EYS: variants seen among roughly 807,000 people sequenced by gnomAD.
EYS encodes the protein protein eyes shut homolog.
A neutral mutation model predicts 282.1 loss-of-function variants in EYS; 250 were observed. That is an observed-to-expected ratio of 0.89 (90% confidence interval 0.80 to 0.98). The LOEUF is 0.98. Ranked by LOEUF, EYS falls within the 50% of genes least tolerant of loss-of-function variation. EYS has a pLI of 0.00. For missense variants in EYS, 4,016 were observed against 3,709.0 expected (o/e 1.08, Z -2.15); for synonymous variants, 1,355 against 1,282.9 (o/e 1.06, Z -1.20).
rs111815179 is a variant in EYS at position 64,324,949 on chromosome 6, C to T, written c.6079-17867G>A. 2.8e-4 allele frequency among the ~76,000 whole-genome samples: 42 copies of T among 152,090 alleles called. 1 individual carries two copies. Among genetic ancestry groups the T allele is most frequent in the Non-Finnish European group, 1.9e-4 (13 of 67,974 alleles). Reference sequence around the variant, plus strand: ...CACAAAGAGAACTACAAAACACTGCCGAAAGAAATCAGAGATGACACAAAT... The same window carrying T: ...CACAAAGAGAACTACAAAACACTGCTGAAAGAAATCAGAGATGACACAAAT... On this transcript the variant is annotated intron_variant, in intron 29 of 42. Transcript: ENST00000503581.
At chr6:64,660,558 T>C (rs1220301608) in intron 22 of EYS, among the ~76,000 whole-genome samples, 1 of 152,168 alleles carries the variant, frequency 6.6e-6, no homozygotes, top group Non-Finnish European at 1.5e-5. Context: ...ACAAAAGCCA[T>C]GTGCAAAAAT....
intron 22 of EYS, among the ~76,000 whole-genome samples, chr6:64,729,276 C>A (rs1430944834): frequency 6.6e-6 from 1 of 152,136 alleles, no homozygotes; most frequent in Non-Finnish European, 1.5e-5. Context: ...ATCAAGAAAC[C>A]CAAGTGAGAT....
chr6:65,222,887 G>A (rs1766508110), intron 12 of EYS, among the ~76,000 whole-genome samples: 2 of 152,052 alleles, frequency 1.3e-5, no homozygotes, highest in African/African-American at 4.8e-5. Context: ...CAGTTTGTCT[G>A]GATAACAAAA....
intron 13 of EYS, among the ~76,000 whole-genome samples, chr6:65,055,017 T>C (rs1773372872): frequency 6.6e-6 from 1 of 152,104 alleles, no homozygotes; most frequent in African/African-American, 2.4e-5. Flanking sequence ...GGTCTCACTT[T>C]GTCACTCAGG....
intron 35 of EYS, among the ~76,000 whole-genome samples, chr6:63,951,219 A>G (rs1318708180): frequency 6.6e-6 from 1 of 152,058 alleles, no homozygotes; most frequent in Non-Finnish European, 1.5e-5. Context: ...CTCACACCTG[A>G]CCTAAAACCT....
At chr6:64,389,186 A>T (rs1773016327) in intron 28 of EYS, among the ~76,000 whole-genome samples, 1 of 152,222 alleles carries the variant, frequency 6.6e-6, no homozygotes, top group Non-Finnish European at 1.5e-5. Context: ...GAAAAATATT[A>T]AAAAGAATCA....
intron 26 of EYS, among the ~76,000 whole-genome samples, chr6:64,560,169 A>T (rs1047989846): frequency 1.3e-5 from 2 of 151,834 alleles, no homozygotes; most frequent in Non-Finnish European, 2.9e-5. Flanking sequence ...AAATATACTA[A>T]TTTTTTACAT....
chr6:64,282,937 A>C (rs998434010), intron 30 of EYS, among the ~76,000 whole-genome samples: 1 of 152,136 alleles, frequency 6.6e-6, no homozygotes, highest in Admixed American at 6.6e-5. Flanking sequence ...AATCACATAT[A>C]TTTAACATAT....
chr6:64,431,167 A>AT (rs145429393), intron 28 of EYS, among the ~76,000 whole-genome samples: 5 of 151,950 alleles, frequency 3.3e-5, no homozygotes, highest in African/African-American at 9.7e-5. Context: ...CTGCCTCCCT[A>AT]TTTTTTTGAT....
intron 36 of EYS, among the ~76,000 whole-genome samples, chr6:63,856,706 T>G (rs577262916): frequency 8.9e-4 from 136 of 152,340 alleles, no homozygotes; most frequent in African/African-American, 3.1e-3. Flanking sequence ...ATTATTTTGC[T>G]AACTTAGAAA....
At chr6:64,360,420 G>A (rs915600206) in intron 29 of EYS, among the ~76,000 whole-genome samples, 3 of 151,670 alleles carry the variant, frequency 2.0e-5, no homozygotes, top group African/African-American at 7.3e-5. Flanking sequence ...AAGTTACTCG[G>A]CCTTCTTGTG....
intron 2 of EYS, among the ~76,000 whole-genome samples, chr6:65,598,246 C>T (rs1242628529): frequency 1.5e-4 from 14 of 90,610 alleles, no homozygotes; most frequent in Non-Finnish European, 2.1e-5. Context: ...CCACCCCCCC[C>T]CCAAAAAAAA....
At chr6:64,158,860 C>T (rs538602713) in intron 31 of EYS, among the ~76,000 whole-genome samples, 1 of 152,298 alleles carries the variant, frequency 6.6e-6, no homozygotes, top group African/African-American at 2.4e-5. Context: ...ATGGCATGGG[C>T]TCAGGGTTAA....
intron 22 of EYS, among the ~76,000 whole-genome samples, chr6:64,657,824 T>A (rs577655184): frequency 6.2e-4 from 93 of 151,094 alleles, no homozygotes; most frequent in African/African-American, 2.1e-3. Context: ...AATCTGACAA[T>A]TATGTGTCTT....
At chr6:64,994,330 A>C (rs367800853) in intron 14 of EYS, among the ~76,000 whole-genome samples, 1 of 152,044 alleles carries the variant, frequency 6.6e-6, no homozygotes, top group Admixed American at 6.6e-5. Flanking sequence ...TCTGCTTTTC[A>C]TCTAAATTCA....
chr6:65,173,256 A>C (rs963136967), intron 12 of EYS, among the ~76,000 whole-genome samples: 1 of 151,286 alleles, frequency 6.6e-6, no homozygotes, highest in Admixed American at 6.6e-5. Context: ...TTCTTTTGGA[A>C]CATGCTTCCC....
chr6:63,785,582 G>A (rs560928568), intron 39 of EYS, among the ~76,000 whole-genome samples: 11 of 152,152 alleles, frequency 7.2e-5, no homozygotes, highest in African/African-American at 2.2e-4. Context: ...ATACCTTTAT[G>A]AGCATTAAAG....
intron 12 of EYS, among the ~76,000 whole-genome samples, chr6:65,060,437 G>A (rs1773535116): frequency 6.6e-6 from 1 of 151,800 alleles, no homozygotes; most frequent in Non-Finnish European, 1.5e-5. Context: ...TGCTTTAGCA[G>A]GAGAAATACA....
chr6:64,480,915 T>A (rs554131009), intron 26 of EYS, among the ~76,000 whole-genome samples: 1 of 151,706 alleles, frequency 6.6e-6, no homozygotes, highest in African/African-American at 2.4e-5. Context: ...CTGATTATTG[T>A]CATCAGACTT....
Sources: allele counts gnomAD v4.1 joint callset (sites outside exome capture counted in the v4.1 genomes callset), GRCh38; gene constraint gnomAD v4.1.1; transcripts MANE v1.5; gene names NCBI Gene and HGNC (gene_info 2026-07-23, HGNC 2026-07-21).